Variants in DOCK3 observed in about 807,000 individuals in gnomAD.
The protein encoded by DOCK3 is dedicator of cytokinesis protein 3.
DOCK3 carries 60 observed loss-of-function variants against 265.6 expected under a neutral mutation model. That is an observed-to-expected ratio of 0.23 (90% CI 0.18 to 0.28). DOCK3 has a LOEUF of 0.28. Among genes scored for constraint, DOCK3 ranks in the 10% least tolerant of loss-of-function variants. The pLI, the probability that DOCK3 is intolerant of heterozygous loss-of-function variation, is 1.00. For synonymous variants in DOCK3, 881 were observed against 938.0 expected, an observed-to-expected ratio of 0.94 and a Z score of 1.11; for missense variants, 1,981 against 2,594.3, an observed-to-expected ratio of 0.76 and a Z score of 5.14.
At chr3:50,693,961 T>C (rs899007462) in intron 1 of DOCK3, among the ~76,000 whole-genome samples, 1 of 152,146 alleles carries the variant, frequency 6.6e-6, no homozygotes, top group African/African-American at 2.4e-5. Context: ...ACAAATACTT[T>C]AAGGTTTGCT....
intron 5 of DOCK3, among the ~76,000 whole-genome samples, chr3:51,048,375 C>A (rs1194233322): frequency 6.6e-6 from 1 of 152,016 alleles, no homozygotes; most frequent in African/African-American, 2.4e-5. Flanking sequence ...GGTTGAATAT[C>A]CCTTAGCTGA....
intron 3 of DOCK3, chr3:50,877,178 T>A: frequency 3.2e-6 from 1 of 316,392 alleles, no homozygotes; most frequent in Non-Finnish European, 6.3e-6. Context: ...AGAGCCATAC[T>A]GAGCTCCTGA....
chr3:50,886,185 G>GATATATATATATATATATATATATATAT (rs1491509664), intron 3 of DOCK3, among the ~76,000 whole-genome samples: 2 of 120,968 alleles, frequency 1.7e-5, no homozygotes, highest in Non-Finnish European at 3.7e-5. Flanking sequence ...TTTTATTTTG[G>GATATATATATATATATATATATATATAT]AGATATATAT....
At chr3:51,110,634 C>T (rs543002578) in intron 9 of DOCK3, among the ~76,000 whole-genome samples, 5 of 152,286 alleles carry the variant, frequency 3.3e-5, no homozygotes, top group South Asian at 2.1e-4. Context: ...AAAAATTCAA[C>T]ATTTCTTCAT....
chr3:50,704,720 G>A (rs1336157161), intron 1 of DOCK3, among the ~76,000 whole-genome samples: 1 of 151,696 alleles, frequency 6.6e-6, no homozygotes, highest in Non-Finnish European at 1.5e-5. Context: ...CCCCTTCCTG[G>A]GTTCAGGCTA....
chr3:51,136,911 A>G (rs762746841), intron 9 of DOCK3, among the ~76,000 whole-genome samples: 3 of 152,116 alleles, frequency 2.0e-5, no homozygotes, highest in Admixed American at 2.0e-4. Context: ...TTAATTTTTT[A>G]TATGTTGGTG....
chr3:51,041,460 G>T (rs2109033083), intron 5 of DOCK3, among the ~76,000 whole-genome samples: 1 of 151,490 alleles, frequency 6.6e-6, no homozygotes, highest in African/African-American at 2.4e-5. Flanking sequence ...CTCATGATTT[G>T]CCCGCCTCAG....
intron 1 of DOCK3, among the ~76,000 whole-genome samples, chr3:50,729,945 A>G (rs907288739): frequency 1.3e-5 from 2 of 148,854 alleles, no homozygotes; most frequent in African/African-American, 5.0e-5. Context: ...CAGCCTCCCG[A>G]CTAGTTGGGA....
chr3:51,277,519 C>T (rs1039459970), intron 25 of DOCK3, 89 bp from the exon 26 acceptor site: 195 of 1,448,314 alleles, frequency 1.3e-4, no homozygotes, highest in Admixed American at 2.7e-4. Flanking sequence ...CAGAAGACTA[C>T]TGCTGATGTG....
intron 49 of DOCK3, among the ~76,000 whole-genome samples, chr3:51,364,588 G>A (rs2086994057): frequency 6.6e-6 from 1 of 152,122 alleles, no homozygotes; most frequent in African/African-American, 2.4e-5. Flanking sequence ...GTATTGCCTA[G>A]GTTTTCTTCT....
intron 4 of DOCK3, among the ~76,000 whole-genome samples, chr3:50,932,805 G>A (rs2051143177): frequency 6.6e-6 from 1 of 152,180 alleles, no homozygotes; most frequent in Non-Finnish European, 1.5e-5. Context: ...CTTCAGAGAA[G>A]AGTTCATTGA....
rs1377527416 is a variant in DOCK3 at position 51,201,204 on chromosome 3, G to C, written c.1038-7570G>C. Among the ~76,000 whole-genome samples the C allele has an allele frequency of 8.0e-5, 12 of 150,764 alleles. No homozygotes were observed. In the South Asian group the frequency reaches 1.3e-3, roughly 16 times the overall value. ...AACTTTAAATGTAAATGGACTAAATGCTCCAATTAAAAGACACAGACTGGC... is the reference window on the plus strand; with the variant it reads ...AACTTTAAATGTAAATGGACTAAATCCTCCAATTAAAAGACACAGACTGGC... On this transcript the variant is annotated intron_variant, in intron 12 of 52. Coordinates refer to ENST00000266037, the MANE Select transcript of DOCK3 (RefSeq NM_004947.5).
chr3:51,325,833 G>T (rs1010693818), intron 32 of DOCK3, among the ~76,000 whole-genome samples: 1 of 152,098 alleles, frequency 6.6e-6, no homozygotes, highest in Non-Finnish European at 1.5e-5. Context: ...AACACTGCAT[G>T]TTCTCACTCA....
intron 5 of DOCK3, among the ~76,000 whole-genome samples, chr3:50,959,892 ATTT>A (rs1211526033): frequency 6.6e-6 from 1 of 152,086 alleles, no homozygotes; most frequent in Non-Finnish European, 1.5e-5. Flanking sequence ...CTATGTGTAT[ATTT>A]TTAAGATTCC....
intron 5 of DOCK3, among the ~76,000 whole-genome samples, chr3:50,969,484 A>G (rs1479914521): frequency 1.3e-5 from 2 of 152,218 alleles, no homozygotes; most frequent in African/African-American, 2.4e-5. Flanking sequence ...TTCAAAGTTA[A>G]TATTGATACA....
At position 50,698,193 on chromosome 3, in the gene DOCK3, C is replaced by T. The variant is rs539986621; in HGVS notation, c.37+22893C>T. 2.1e-4 allele frequency among the ~76,000 whole-genome samples: 32 copies of T among 152,164 alleles called. No homozygotes were observed. In the South Asian group the frequency reaches 2.3e-3, roughly 11 times the overall value. ...CAGTCACTACTCATTCTCTCTCCCC[C>T]ACCCGGGCACCCCCTAATTGGCTTT... On this transcript the variant is annotated intron_variant, in intron 1 of 52. Coordinates refer to ENST00000266037, the MANE Select transcript of DOCK3 (RefSeq NM_004947.5).
chr3:51,125,147 CT>C (rs1351749123), intron 9 of DOCK3, among the ~76,000 whole-genome samples: 7 of 151,922 alleles, frequency 4.6e-5, no homozygotes, highest in African/African-American at 1.7e-4. Flanking sequence ...AATAGCCATA[CT>C]TTTTTTATAT....
At chr3:51,327,186 G>C (rs573768067) in intron 32 of DOCK3, among the ~76,000 whole-genome samples, 1 of 152,228 alleles carries the variant, frequency 6.6e-6, no homozygotes, top group Admixed American at 6.5e-5. Context: ...TTAGGGACCA[G>C]GATTATTTCT....
chr3:51,364,206 G>A (rs2110387235), intron 49 of DOCK3, among the ~76,000 whole-genome samples: 1 of 152,310 alleles, frequency 6.6e-6, no homozygotes, highest in South Asian at 2.1e-4. Context: ...GTATCTCATT[G>A]TGGTTTTGAT....
Sources: allele counts gnomAD v4.1 joint callset (sites outside exome capture counted in the v4.1 genomes callset), GRCh38; gene constraint gnomAD v4.1.1; transcripts MANE v1.5; gene names NCBI Gene and HGNC (gene_info 2026-07-23, HGNC 2026-07-21).